The following STAU2 variants were observed in gnomAD, a reference collection of about 807,000 sequenced individuals.
The protein encoded by STAU2 is double-stranded RNA-binding protein Staufen homolog 2.
Under a neutral mutation model 65.9 loss-of-function variants are expected in STAU2, and 20 were observed. The observed-to-expected ratio is 0.30, with a 90% CI of 0.21 to 0.44. The LOEUF is 0.44. Among genes scored for constraint, STAU2 ranks in the 20% least tolerant of loss-of-function variants. The pLI is 1.00. For synonymous variants in STAU2, 232 were observed against 233.9 expected (o/e 0.99, Z 0.07); for missense variants, 558 against 683.9 (o/e 0.82, Z 2.05).
intron 4 of STAU2, among the ~76,000 whole-genome samples, chr8:73,693,198 G>A (rs1819465739): frequency 6.6e-6 from 1 of 152,114 alleles, no homozygotes. Context: ...AGTGGGCTGG[G>A]TGCGGTGGCT....
chr8:73,724,123 T>C (rs1269958451), intron 3 of STAU2, among the ~76,000 whole-genome samples: 1 of 152,230 alleles, frequency 6.6e-6, no homozygotes, highest in East Asian at 1.9e-4. Context: ...CTCAGTGCAG[T>C]AGGCCTGGGG....
At chr8:73,559,154 G>T (rs183009035) in intron 12 of STAU2, among the ~76,000 whole-genome samples, 1 of 152,286 alleles carries the variant, frequency 6.6e-6, no homozygotes, top group Non-Finnish European at 1.5e-5. Context: ...ATGTACTATA[G>T]TTATATAAGA....
At chr8:73,738,377 T>G in intron 2 of STAU2, 28 bp from the exon 3 acceptor site, 1 of 1,556,866 alleles carries the variant, frequency 6.4e-7, no homozygotes, top group Non-Finnish European at 8.7e-7. Context: ...AGAAATAAAG[T>G]TCAACTTAGC....
chr8:73,549,759 T>C (rs888060803), intron 13 of STAU2: 5 of 985,622 alleles, frequency 5.1e-6, no homozygotes, highest in Non-Finnish European at 6.0e-6. Context: ...CAGTGTGCAA[T>C]AAAATAAAAA....
intron 6 of STAU2, among the ~76,000 whole-genome samples, chr8:73,628,387 A>G (rs1813845661): frequency 6.6e-6 from 1 of 152,126 alleles, no homozygotes; most frequent in South Asian, 2.1e-4. Context: ...TAACTTTTCA[A>G]TATATATTCA....
intron 6 of STAU2, chr8:73,653,986 G>A: frequency 3.6e-6 from 1 of 279,458 alleles, no homozygotes; most frequent in Non-Finnish European, 7.1e-6. Context: ...GAAGAGGGAA[G>A]GGGAGGGAAA....
At chr8:73,586,646 C>CAAAAAAAAAAAAAAAA (rs56687221) in intron 11 of STAU2, among the ~76,000 whole-genome samples, 3 of 62,728 alleles carry the variant, frequency 4.8e-5, no homozygotes, top group Admixed American at 1.9e-4. Flanking sequence ...AAAAAAAATG[C>CAAAAAAAAAAAAAAAA]AAAAAAAAAA....
At chr8:73,639,641 T>C (rs1425849113) in intron 6 of STAU2, among the ~76,000 whole-genome samples, 4 of 152,142 alleles carry the variant, frequency 2.6e-5, no homozygotes, top group Non-Finnish European at 5.9e-5. Context: ...AGGACGTGTT[T>C]AGCACCGTAG....
intron 13 of STAU2, chr8:73,549,831 A>G: frequency 1.0e-6 from 1 of 984,754 alleles, no homozygotes. Flanking sequence ...AATAAAAGTA[A>G]CAGAATAGTG....
chr8:73,478,316 AAAAAAAAAAAATCG>A (rs1252535136), intron 13 of STAU2, among the ~76,000 whole-genome samples: 1 of 151,496 alleles, frequency 6.6e-6, no homozygotes, highest in African/African-American at 2.4e-5. Flanking sequence ...AAAAAAAAAA[AAAAAAAAAAAATCG>A]AAAAAAAAAT....
chr8:73,463,847 T>C (rs939937465), intron 13 of STAU2, among the ~76,000 whole-genome samples: 6 of 152,236 alleles, frequency 3.9e-5, no homozygotes, highest in South Asian at 2.1e-4. Flanking sequence ...TTATGTCTCC[T>C]GGAACTGACT....
intron 9 of STAU2, among the ~76,000 whole-genome samples, chr8:73,605,906 C>G (rs1006626626): frequency 2.0e-5 from 3 of 147,918 alleles, no homozygotes; most frequent in Non-Finnish European, 3.0e-5. Context: ...CACACACACA[C>G]ACACACACAC....
chr8:73,455,563 G>C (rs1819018694), intron 13 of STAU2, among the ~76,000 whole-genome samples: 1 of 152,036 alleles, frequency 6.6e-6, no homozygotes, highest in South Asian at 2.1e-4. Context: ...AGGAGTGCGA[G>C]GTATGTTCAC....
rs1245470793 is a variant in STAU2 at position 73,456,589 on chromosome 8, C to T, written c.1531-33887G>A. Among the ~76,000 whole-genome samples, 4 of 152,010 alleles carry T rather than the reference C, an allele frequency of 2.6e-5. No individual in the cohort carries two copies. The East Asian group carries it at 7.7e-4, about 29-fold the overall frequency. On this transcript the variant is annotated intron_variant, in intron 13 of 14. Transcript: ENST00000524300. Reference sequence around the variant, plus strand: ...CAGGAAGGGAGGGGGCAGAACAGTCCTGGTGTGGAGGCAGGAACGAGCATG... The same window carrying T: ...CAGGAAGGGAGGGGGCAGAACAGTCTTGGTGTGGAGGCAGGAACGAGCATG...
chr8:73,613,596 A>G, intron 9 of STAU2, 148 bp downstream of exon 9: 1 of 533,336 alleles, frequency 1.9e-6, no homozygotes, highest in East Asian at 3.1e-5. Context: ...TAGAATTGTC[A>G]TTAATTTATA....
At chr8:73,544,289 C>A (rs1036504064) in intron 13 of STAU2, among the ~76,000 whole-genome samples, 3 of 152,188 alleles carry the variant, frequency 2.0e-5, no homozygotes, top group South Asian at 2.1e-4. Flanking sequence ...TTCCTGGATT[C>A]ATGAAAAACC....
At chr8:73,640,262 T>C (rs1022018802) in intron 6 of STAU2, among the ~76,000 whole-genome samples, 2 of 151,354 alleles carry the variant, frequency 1.3e-5, no homozygotes, top group Non-Finnish European at 3.0e-5. Context: ...TAGAATAAAA[T>C]ATACAACTTC....
At chr8:73,604,175 G>T (rs1295106146) in intron 9 of STAU2, among the ~76,000 whole-genome samples, 2 of 152,108 alleles carry the variant, frequency 1.3e-5, no homozygotes, top group African/African-American at 4.8e-5. Context: ...AAGAACAGAA[G>T]AAGACCAACC....
At chr8:73,567,827 G>A (rs1056854658) in intron 12 of STAU2, among the ~76,000 whole-genome samples, 1 of 151,754 alleles carries the variant, frequency 6.6e-6, no homozygotes, top group East Asian at 2.0e-4. Flanking sequence ...GGGATTACAG[G>A]CATCCCACCT....
Sources: allele counts gnomAD v4.1 joint callset (sites outside exome capture counted in the v4.1 genomes callset), GRCh38; gene constraint gnomAD v4.1.1; transcripts MANE v1.5; gene names NCBI Gene and HGNC (gene_info 2026-07-23, HGNC 2026-07-21).